Variants in MGAM observed in about 807,000 individuals in gnomAD.
The protein encoded by MGAM is maltase-glucoamylase, also known as alpha-1,4-glucosidase.
MGAM carries 253 observed loss-of-function variants against 358.8 expected under a neutral mutation model. The ratio of observed to expected loss-of-function variants is 0.71; its 90% CI spans 0.64 to 0.78. The LOEUF (loss-of-function observed/expected upper bound fraction) is 0.78, where lower values mean the gene tolerates loss of function less well. MGAM is among the 30% of genes least tolerant of loss of function. The pLI is 0.00. For missense variants in MGAM, 3,080 were observed against 3,432.6 expected (o/e 0.90, Z 2.57); for synonymous variants, 1,105 against 1,227.1 (o/e 0.90, Z 2.08).
intron 8 of MGAM, among the ~76,000 whole-genome samples, chr7:142,025,437 A>G (rs1806871554): frequency 6.6e-6 from 1 of 152,046 alleles, no homozygotes; most frequent in Non-Finnish European, 1.5e-5. Context: ...ATTTACTCTG[A>G]GATAGTTTCC....
At chr7:142,080,040 C>T (rs10234559) in intron 49 of MGAM, among the ~76,000 whole-genome samples, 25,458 of 146,208 alleles carry the variant, frequency 0.17, 5,776 homozygotes, top group African/African-American at 0.45. Context: ...TCTCTGCCTT[C>T]GTGGTTGTTA....
At chr7:141,986,683 C>G (rs1584873429) in intron 2 of MGAM, among the ~76,000 whole-genome samples, 1 of 152,226 alleles carries the variant, frequency 6.6e-6, no homozygotes, top group South Asian at 2.1e-4. Flanking sequence ...TGTTGAAAAA[C>G]AATTGTGTAC....
intron 42 of MGAM, 116 bp from the exon 43 acceptor site, chr7:142,068,531 C>A: frequency 1.2e-6 from 1 of 824,828 alleles, no homozygotes; most frequent in Non-Finnish European, 2.0e-6. Context: ...CCTCTTGGGA[C>A]ATGAGGCAGC....
intron 8 of MGAM, among the ~76,000 whole-genome samples, chr7:142,026,587 T>C (rs893714013): frequency 1.5e-4 from 23 of 152,166 alleles, no homozygotes; most frequent in African/African-American, 5.6e-4. Flanking sequence ...TTTGGAAAGA[T>C]AAATGGGCCC....
chr7:142,048,410 A>T (rs1810608148), intron 22 of MGAM, among the ~76,000 whole-genome samples: 1 of 151,264 alleles, frequency 6.6e-6, no homozygotes, highest in African/African-American at 2.4e-5. Context: ...GGCCCCCCAA[A>T]GTGCTGGGAT....
chr7:142,045,217 G>GT (rs571777548), intron 21 of MGAM, among the ~76,000 whole-genome samples: 43,232 of 63,268 alleles, frequency 0.68, 12,877 homozygotes, highest in Middle Eastern at 0.75. Context: ...TAACATATAT[G>GT]TATATAATAT....
At chr7:142,044,653 T>G (rs1292579624) in intron 21 of MGAM, among the ~76,000 whole-genome samples, 1 of 80,558 alleles carries the variant, frequency 1.2e-5, no homozygotes, top group Admixed American at 1.6e-4. Context: ...ATATGATATA[T>G]AATGTATATT....
At chr7:142,020,288 T>C (rs926657823) in intron 4 of MGAM, among the ~76,000 whole-genome samples, 4 of 152,006 alleles carry the variant, frequency 2.6e-5, no homozygotes, top group African/African-American at 9.7e-5. Context: ...TCACCTGTAA[T>C]GCAATATGAA....
chr7:142,008,026 C>T (rs1805300926), intron 2 of MGAM, among the ~76,000 whole-genome samples: 1 of 152,138 alleles, frequency 6.6e-6, no homozygotes, highest in African/African-American at 2.4e-5. Context: ...ATTTTGTGGG[C>T]CATACAGACT....
chr7:142,045,026 G>A (rs187373668), intron 21 of MGAM, among the ~76,000 whole-genome samples: 26,385 of 55,128 alleles, frequency 0.48, 7,275 homozygotes, highest in African/African-American at 0.68. Context: ...TATGTATATT[G>A]TATACACGTG....
intron 68 of MGAM, 94 bp from the exon 69 acceptor site, chr7:142,102,536 A>T: frequency 8.4e-7 from 1 of 1,187,046 alleles, no homozygotes; most frequent in Non-Finnish European, 1.2e-6. Context: ...CTCAAACAAG[A>T]CAAGTAGGCA....
Position 142,105,856 on chromosome 7 carries a change from A to G in MGAM, c.8227A>G (p.Asn2743Asp), listed in dbSNP as rs773456429. Residue 2743 changes from asparagine to aspartate, a missense_variant, in exon 71 of 71, where the codon AAT becomes GAT. This residue lies in a region of MGAM where 194 missense variants were observed against 172.8 expected (regional missense o/e 1.12). Coordinates refer to ENST00000475668, the MANE Select transcript of MGAM (RefSeq NM_001365693.1). ...GACTGACAGAAACATCAGCCTACAT[A>G]ATTTTACTTCATTGACGTGGATAAG... ...DVTDRNISLHNFTSLTWISTL is the reference protein window; with the variant it reads ...DVTDRNISLHDFTSLTWISTL 51 of 1,613,316 alleles carry G rather than the reference A, an allele frequency of 3.2e-5. No homozygotes were observed. In the South Asian group the frequency reaches 4.3e-4, roughly 14 times the overall value.
Position 142,027,597 on chromosome 7 carries a change from A to G in MGAM, c.1096-13A>G. The G allele has an allele frequency of 6.2e-7, 1 of 1,611,676 alleles. No homozygotes were observed. The highest frequency in any genetic ancestry group is 8.5e-7 in the Non-Finnish European group (1 of 1,179,218). On this transcript the variant is annotated splice_polypyrimidine_tract_variant and intron_variant, in intron 9 of 70. Coordinates refer to ENST00000475668, the MANE Select transcript of MGAM (RefSeq NM_001365693.1). ...GAGTATTTGCTAATTTTCACTTCACATATTTCTTTCAGCTCATTGGGCGGC... is the reference window on the plus strand; with the variant it reads ...GAGTATTTGCTAATTTTCACTTCACGTATTTCTTTCAGCTCATTGGGCGGC...
intron 3 of MGAM, among the ~76,000 whole-genome samples, chr7:142,018,374 T>TC (rs1223668057): frequency 6.6e-6 from 1 of 152,194 alleles, no homozygotes; most frequent in Non-Finnish European, 1.5e-5. Context: ...GAATGAGGAC[T>TC]CCAACAGAGA....
chr7:142,025,838 T>C (rs1316258934), intron 8 of MGAM, among the ~76,000 whole-genome samples: 3 of 152,218 alleles, frequency 2.0e-5, no homozygotes, highest in African/African-American at 7.2e-5. Flanking sequence ...AGAAGCACTC[T>C]AAATGATCTA....
intron 50 of MGAM, 30 bp downstream of exon 50, chr7:142,080,975 G>A (rs574969950): frequency 6.5e-7 from 1 of 1,526,966 alleles, no homozygotes; most frequent in Non-Finnish European, 9.0e-7. Flanking sequence ...ACTCAGAGTT[G>A]ATGGCTACCT....
At chr7:142,019,091 G>T in intron 3 of MGAM, 108 bp from the exon 4 acceptor site, 1 of 1,303,368 alleles carries the variant, frequency 7.7e-7, no homozygotes, top group Non-Finnish European at 1.0e-6. Flanking sequence ...TTCCTTATTT[G>T]TAAAATGAAA....
Position 142,082,147 on chromosome 7 carries a change from G to A in MGAM, c.6108G>A (p.Thr2036=), listed in dbSNP as rs778329957. 33 of 1,555,454 alleles carry A rather than the reference G, an allele frequency of 2.1e-5. 2 individuals are homozygous for A. The highest frequency in any genetic ancestry group is 5.4e-5 in the African/African-American group (4 of 74,418). Residue 2036 remains threonine, a synonymous_variant, in exon 51 of 71, where the codon ACG becomes ACA. Transcript: ENST00000475668. ...YLYGFGETEH[T]SYRRDLEWHT... The stretch of plus-strand genomic sequence containing the variant: ...ATGGCTTTGGGGAGACTGAGCACAC[G>A]TCCTACAGGAGAGACTTGGAGTGGC...
chr7:142,007,918 A>G (rs781805147), intron 2 of MGAM, among the ~76,000 whole-genome samples: 1 of 152,168 alleles, frequency 6.6e-6, no homozygotes. Context: ...CTTGTACTGC[A>G]CATGTTCTGT....
Sources: gnomAD v4.1 joint callset for allele counts (sites outside exome capture counted in the v4.1 genomes callset) on GRCh38, gnomAD v4.1.1 for gene constraint, gnomAD v4.1.1 regional missense constraint, MANE v1.5 for transcripts, NCBI Gene and HGNC (gene_info 2026-07-23, HGNC 2026-07-21) for gene names.